Variants in PRKCH observed in about 807,000 individuals in gnomAD.
PRKCH encodes the protein protein kinase C eta type.
Under a neutral mutation model 82.5 loss-of-function variants are expected in PRKCH, and 28 were observed. That is an observed-to-expected ratio of 0.34 (90% CI 0.25 to 0.47). The LOEUF (loss-of-function observed/expected upper bound fraction) is 0.47, where lower values mean the gene tolerates loss of function less well. Among genes scored for constraint, PRKCH ranks in the 20% least tolerant of loss-of-function variants. The pLI is 1.00. For synonymous variants in PRKCH, 322 were observed against 327.4 expected, an observed-to-expected ratio of 0.98 and a Z score of 0.18; for missense variants, 705 against 881.8, an observed-to-expected ratio of 0.80 and a Z score of 2.54.
At chr14:61,434,206 T>G (rs1883564577) in intron 2 of PRKCH, among the ~76,000 whole-genome samples, 1 of 152,166 alleles carries the variant, frequency 6.6e-6, no homozygotes, top group African/African-American at 2.4e-5. Context: ...TTCAAGTATA[T>G]AAAACCAGGA....
chr14:61,368,606 C>T (rs2046328449), intron 1 of PRKCH, among the ~76,000 whole-genome samples: 1 of 152,090 alleles, frequency 6.6e-6, no homozygotes, highest in African/African-American at 2.4e-5. Context: ...AGATATTTCC[C>T]ATCAGTGAAA....
At chr14:61,299,547 G>GT (rs1240857267) in intron 1 of PRKCH, among the ~76,000 whole-genome samples, 1 of 152,144 alleles carries the variant, frequency 6.6e-6, no homozygotes, top group Non-Finnish European at 1.5e-5. Flanking sequence ...GAGAAACAGT[G>GT]TAACAACCAC....
At chr14:61,256,203 T>A (rs2044996539) in intron 1 of PRKCH, among the ~76,000 whole-genome samples, 1 of 152,144 alleles carries the variant, frequency 6.6e-6, no homozygotes, top group Admixed American at 6.5e-5. Flanking sequence ...AGATGAAAAA[T>A]ACCAAGACAG....
At chr14:61,325,921 C>T (rs1038736369) in intron 1 of PRKCH, among the ~76,000 whole-genome samples, 4 of 152,102 alleles carry the variant, frequency 2.6e-5, no homozygotes, top group Admixed American at 6.5e-5. Context: ...TCAGTATGTT[C>T]CCACTAGAAA....
intron 1 of PRKCH, among the ~76,000 whole-genome samples, chr14:61,311,120 A>C (rs2140110014): frequency 6.6e-6 from 1 of 152,354 alleles, no homozygotes; most frequent in African/African-American, 2.4e-5. Context: ...GGCTGCTGCC[A>C]AGATCTCTGT....
intron 12 of PRKCH, among the ~76,000 whole-genome samples, chr14:61,542,408 G>A (rs903929211): frequency 6.6e-6 from 1 of 152,024 alleles, no homozygotes; most frequent in Non-Finnish European, 1.5e-5. Flanking sequence ...GGGTTTGGTG[G>A]TATGTGCCTA....
At chr14:61,225,325 G>C (rs899926099) in intron 1 of PRKCH, among the ~76,000 whole-genome samples, 21 of 152,326 alleles carry the variant, frequency 1.4e-4, no homozygotes, top group African/African-American at 4.8e-4. Context: ...CTCCTGCACT[G>C]TAGGCTTGGG....
intron 4 of PRKCH, among the ~76,000 whole-genome samples, chr14:61,447,993 A>G (rs765825731): frequency 1.4e-4 from 22 of 152,232 alleles, no homozygotes; most frequent in Admixed American, 3.3e-4. Context: ...GAGAAAATCC[A>G]TGAAATCAAA....
chr14:61,366,090 A>G (rs2140167078), intron 1 of PRKCH, among the ~76,000 whole-genome samples: 1 of 152,228 alleles, frequency 6.6e-6, no homozygotes, highest in South Asian at 2.1e-4. Flanking sequence ...GTTACCTCCC[A>G]GACTGTCAGA....
At chr14:61,390,150 T>G (rs1402427748) in intron 1 of PRKCH, among the ~76,000 whole-genome samples, 1 of 152,142 alleles carries the variant, frequency 6.6e-6, no homozygotes, top group African/African-American at 2.4e-5. Context: ...GAAGTTAGCA[T>G]CCGGTAGGAA....
At chr14:61,253,216 G>A (rs958810810) in intron 1 of PRKCH, among the ~76,000 whole-genome samples, 79 of 152,200 alleles carry the variant, frequency 5.2e-4, no homozygotes, top group African/African-American at 1.9e-3. Flanking sequence ...TAAGAGCTCC[G>A]TATATTCTGC....
chr14:61,521,407 A>G lies in PRKCH; in HGVS notation c.1434-7668A>G, dbSNP rs2042904813. The stretch of plus-strand genomic sequence containing the variant: ...AATTTAGCTTTTTTTCAAATTATAT[A>G]TGATGCAGCAACCAATATCTTTGTA... On this transcript the variant is annotated intron_variant, in intron 10 of 13. Transcript: ENST00000332981. 3.9e-5 allele frequency among the ~76,000 whole-genome samples: 6 copies of G among 152,240 alleles called. No individual in the cohort carries two copies. The South Asian group carries it at 1.0e-3, about 26-fold the overall frequency.
chr14:61,458,227 C>T (rs767078013), intron 9 of PRKCH, among the ~76,000 whole-genome samples: 6 of 152,192 alleles, frequency 3.9e-5, no homozygotes, highest in African/African-American at 1.2e-4. Context: ...CCTGTAATGG[C>T]GTGCGTTTAG....
chr14:61,253,065 G>A (rs1188666706), intron 1 of PRKCH, among the ~76,000 whole-genome samples: 1 of 152,138 alleles, frequency 6.6e-6, no homozygotes, highest in East Asian at 1.9e-4. Context: ...GAGAAAAATT[G>A]TTTTTGTTTT....
At chr14:61,322,733 G>A (rs887642533) in intron 1 of PRKCH, 1 of 406,050 alleles carries the variant, frequency 2.5e-6, no homozygotes, top group African/African-American at 2.0e-5. Context: ...AGGGGTCCAG[G>A]GCGGTCACCC....
intron 1 of PRKCH, among the ~76,000 whole-genome samples, chr14:61,387,905 T>C (rs529216414): frequency 6.6e-6 from 1 of 152,322 alleles, no homozygotes; most frequent in South Asian, 2.1e-4. Flanking sequence ...TCCAGCACTT[T>C]GGGAGGCTGA....
Position 61,392,678 on chromosome 14 carries a change from AG to A in PRKCH, c.427+1391del, listed in dbSNP as rs772206407. Among the ~76,000 whole-genome samples, 9 of 152,206 alleles carry A rather than the reference AG, an allele frequency of 5.9e-5. No homozygotes were observed. In the East Asian group the frequency reaches 1.7e-3, roughly 29 times the overall value. On this transcript the variant is annotated intron_variant, in intron 2 of 13. Transcript: ENST00000332981. ...ATAGGTATTGTGATTACTTTTTCCCAGTCTGTGGCTTGCCTTTTCATTTTCT... is the reference window on the plus strand; with the variant it reads ...ATAGGTATTGTGATTACTTTTTCCCATCTGTGGCTTGCCTTTTCATTTTCT...
At chr14:61,209,588 G>A (rs756841505) in intron 1 of PRKCH, among the ~76,000 whole-genome samples, 1 of 152,054 alleles carries the variant, frequency 6.6e-6, no homozygotes, top group Non-Finnish European at 1.5e-5. Context: ...ATTACAGAAT[G>A]TCAGACATAG....
At chr14:61,505,998 A>G (rs532370732) in intron 10 of PRKCH, among the ~76,000 whole-genome samples, 1 of 152,222 alleles carries the variant, frequency 6.6e-6, no homozygotes, top group African/African-American at 2.4e-5. Flanking sequence ...CCCAGGTTGC[A>G]TTTGGCTCTG....
Sources: allele counts gnomAD v4.1 joint callset (sites outside exome capture counted in the v4.1 genomes callset), GRCh38; gene constraint gnomAD v4.1.1; transcripts MANE v1.5; gene names NCBI Gene and HGNC (gene_info 2026-07-23, HGNC 2026-07-21).